Variants in RRBP1 observed in about 807,000 individuals in gnomAD.
The protein encoded by RRBP1 is ribosome-binding protein 1.
Under a neutral mutation model 165.2 loss-of-function variants are expected in RRBP1, and 94 were observed. That is an observed-to-expected ratio of 0.57 (90% confidence interval 0.48 to 0.68). The LOEUF (loss-of-function observed/expected upper bound fraction) is 0.68, where lower values mean the gene tolerates loss of function less well. Among genes scored for constraint, RRBP1 ranks in the 30% least tolerant of loss-of-function variants. The probability of loss-of-function intolerance (pLI) is 0.00; values close to 1 mark genes in which losing one functional copy is unlikely to be tolerated. For missense variants in RRBP1, 1,676 were observed against 1,763.0 expected, an observed-to-expected ratio of 0.95 and a Z score of 0.88; for synonymous variants, 680 against 714.5, an observed-to-expected ratio of 0.95 and a Z score of 0.77.
At chr20:17,631,278 T>C (rs1395095683) in intron 8 of RRBP1, among the ~76,000 whole-genome samples, 2 of 152,238 alleles carry the variant, frequency 1.3e-5, no homozygotes, top group African/African-American at 4.8e-5. Context: ...GGCAGGGTCA[T>C]TACACGACTG....
At chr20:17,681,317 G>A (rs1046135755) in intron 1 of RRBP1, among the ~76,000 whole-genome samples, 1 of 145,798 alleles carries the variant, frequency 6.9e-6, no homozygotes, top group Non-Finnish European at 1.5e-5. Context: ...GGGGAGCAGG[G>A]AGCCGCCTCC....
chr20:17,625,458 C>A (rs980841816), intron 12 of RRBP1, 54 bp downstream of exon 12: 26 of 1,515,594 alleles, frequency 1.7e-5, no homozygotes, highest in African/African-American at 2.7e-5. Context: ...CCTTTCCCGG[C>A]CCCACCTGTG....
intron 2 of RRBP1, among the ~76,000 whole-genome samples, chr20:17,669,772 C>T (rs762698001): frequency 3.9e-5 from 6 of 152,064 alleles, no homozygotes; most frequent in Non-Finnish European, 5.9e-5. Context: ...TATACGGAAA[C>T]GTAACTGATT....
chr20:17,628,418 C>T (rs1397325779), intron 9 of RRBP1, among the ~76,000 whole-genome samples: 1 of 152,236 alleles, frequency 6.6e-6, no homozygotes, highest in Non-Finnish European at 1.5e-5. Flanking sequence ...CCTCTGCGGC[C>T]ACCTGGGCCC....
intron 12 of RRBP1, among the ~76,000 whole-genome samples, chr20:17,625,186 C>T (rs2035993120): frequency 6.6e-6 from 1 of 152,160 alleles, no homozygotes; most frequent in African/African-American, 2.4e-5. Flanking sequence ...TTCTACATCC[C>T]CTTCTCCTGG....
chr20:17,646,107 C>T (rs1372958027), intron 3 of RRBP1, among the ~76,000 whole-genome samples: 1 of 152,156 alleles, frequency 6.6e-6, no homozygotes, highest in Non-Finnish European at 1.5e-5. Flanking sequence ...TGACAAATAA[C>T]CACACAGGCC....
At chr20:17,625,986 G>A (rs1053295045) in intron 11 of RRBP1, among the ~76,000 whole-genome samples, 2 of 152,258 alleles carry the variant, frequency 1.3e-5, no homozygotes, top group African/African-American at 4.8e-5. Flanking sequence ...GTCCCCAAAA[G>A]AATGAGACTC....
intron 2 of RRBP1, among the ~76,000 whole-genome samples, chr20:17,661,032 A>G (rs1380046926): frequency 6.7e-6 from 1 of 148,894 alleles, no homozygotes; most frequent in Non-Finnish European, 1.5e-5. Flanking sequence ...TAGGCCAGAC[A>G]CTTTTAAAAA....
chr20:17,621,404 C>G, intron 16 of RRBP1, 54 bp downstream of exon 16: 1 of 1,427,340 alleles, frequency 7.0e-7, no homozygotes, highest in South Asian at 1.2e-5. Context: ...CCCCGAAGCT[C>G]TCCTTCCCTG....
At chr20:17,636,075 G>C (rs1239494146) in intron 6 of RRBP1, among the ~76,000 whole-genome samples, 5 of 152,258 alleles carry the variant, frequency 3.3e-5, no homozygotes, top group Non-Finnish European at 7.3e-5. Flanking sequence ...ACATGCAGCA[G>C]GGAGGAGGTC....
chr20:17,614,979 T>A, intron 23 of RRBP1, 99 bp from the exon 24 acceptor site: 1 of 1,377,628 alleles, frequency 7.3e-7, no homozygotes, highest in Non-Finnish European at 1.0e-6. Context: ...TGGAGCCCTC[T>A]GGGGACACAA....
Position 17,614,029 on chromosome 20 carries a change from T to TGTG in RRBP1, c.*150_*152dup, listed in dbSNP as rs1325240525. 3 of 732,292 alleles carry TGTG rather than the reference T, an allele frequency of 4.1e-6. No homozygotes were observed. Among genetic ancestry groups the TGTG allele is most frequent in the Non-Finnish European group, 7.3e-6 (3 of 411,046 alleles). 45.4% of individuals were successfully genotyped at this position (732,292 alleles called of 1,614,324 possible). A position where few individuals can be genotyped will look rare whatever the true frequency, so the allele number is the denominator to read the frequency against. On this transcript the variant is annotated 3_prime_UTR_variant, in exon 25 of 25. Transcript: ENST00000377813. ...ACTGGGGCTCTGGAAGGTCTACTTC[T>TGTG]GTGGCTCTAAGAGACTTGTCTCTCA... is the stretch of plus-strand genomic sequence containing the variant.
At chr20:17,669,376 C>G (rs2036931839) in intron 2 of RRBP1, among the ~76,000 whole-genome samples, 1 of 152,206 alleles carries the variant, frequency 6.6e-6, no homozygotes, top group Non-Finnish European at 1.5e-5. Flanking sequence ...AGACAGCATG[C>G]CTATGCGGTA....
At chr20:17,649,757 G>A (rs1032605589) in intron 3 of RRBP1, among the ~76,000 whole-genome samples, 3 of 152,020 alleles carry the variant, frequency 2.0e-5, no homozygotes, top group African/African-American at 2.4e-5. Flanking sequence ...TGCAGAACAC[G>A]ACTTGGGATT....
At chr20:17,671,454 T>C (rs2036977827) in intron 2 of RRBP1, among the ~76,000 whole-genome samples, 2 of 152,240 alleles carry the variant, frequency 1.3e-5, no homozygotes, top group South Asian at 4.1e-4. Flanking sequence ...ACACTAGGTG[T>C]GCAGGTCCAC....
In RRBP1 at chr20:17,681,428, G is replaced by C. The variant is rs914186792; in HGVS notation, c.-99+600C>G. On this transcript the variant is annotated intron_variant, in intron 1 of 24. Coordinates refer to ENST00000377813, the MANE Select transcript of RRBP1 (RefSeq NM_001365613.2). Reference sequence around the variant, plus strand: ...CTGCGGCCCCGGCCCGCCCCGTCGGGGGCCGTCCCAGCCCCGCGAAGCGCC... The same window carrying C: ...CTGCGGCCCCGGCCCGCCCCGTCGGCGGCCGTCCCAGCCCCGCGAAGCGCC... Among the ~76,000 whole-genome samples, 17 of 144,680 alleles carry C rather than the reference G, an allele frequency of 1.2e-4. No individual in the cohort carries two copies. In the South Asian group the frequency reaches 2.6e-3, roughly 22 times the overall value. The allele number at this position is 144,680 out of a possible 152,430, so 94.9% of individuals were successfully genotyped here.
intron 2 of RRBP1, among the ~76,000 whole-genome samples, chr20:17,674,920 C>A (rs1305533576): frequency 6.6e-6 from 1 of 152,212 alleles, no homozygotes. Context: ...CTCTGCAAGG[C>A]CCACCTCACA....
chr20:17,655,938 G>A (rs1003229741), intron 3 of RRBP1, among the ~76,000 whole-genome samples: 8 of 152,218 alleles, frequency 5.3e-5, no homozygotes, highest in Admixed American at 1.3e-4. Context: ...CCCAGGAACT[G>A]CTTAGAAATG....
rs79154579 is a variant in RRBP1, at chr20:17,624,671, G to A, written c.3055-3C>T. 16,755 of 1,572,984 alleles carry A rather than the reference G, an allele frequency of 0.011. 151 individuals are homozygous for A. Among genetic ancestry groups the A allele is most frequent in the East Asian group, 0.03 (1,290 of 43,510 alleles). The stretch of plus-strand genomic sequence containing the variant: ...TTCCAGTTCTTCTCCCGGAGGTCCT[G>A]GAGGGGACACAGGTGAAAGGTCAGC... On this transcript the variant is annotated splice_region_variant and splice_polypyrimidine_tract_variant and intron_variant, in intron 12 of 24. Coordinates refer to ENST00000377813, the MANE Select transcript of RRBP1 (RefSeq NM_001365613.2).
Sources: gnomAD v4.1 joint callset for allele counts (sites outside exome capture counted in the v4.1 genomes callset) on GRCh38, gnomAD v4.1.1 for gene constraint, MANE v1.5 for transcripts, NCBI Gene and HGNC (gene_info 2026-07-23, HGNC 2026-07-21) for gene names.